CSMD1: variants seen among roughly 807,000 people sequenced by gnomAD.
CSMD1 encodes the protein CUB and Sushi multiple domains 1, also known as CUB and sushi domain-containing protein 1.
In CSMD1, 213 loss-of-function variants were observed where a neutral mutation model predicts 417.5. The ratio of observed to expected loss-of-function variants is 0.51; its 90% CI spans 0.46 to 0.57. CSMD1 has a LOEUF of 0.57. CSMD1 is among the 20% of genes least tolerant of loss of function. CSMD1 has a pLI of 0.00. For synonymous variants in CSMD1, 2,862 were observed against 1,736.8 expected, an observed-to-expected ratio of 1.65 and a Z score of -16.11; for missense variants, 6,923 against 4,529.7, an observed-to-expected ratio of 1.53 and a Z score of -15.17.
chr8:4,456,737 C>T (rs533500621), intron 2 of CSMD1, among the ~76,000 whole-genome samples: 4 of 152,116 alleles, frequency 2.6e-5, no homozygotes, highest in Non-Finnish European at 5.9e-5. Context: ...TCAGTCCTTA[C>T]TGTCTAGTTG....
chr8:4,440,655 T>G (rs1217645), intron 2 of CSMD1, among the ~76,000 whole-genome samples: 1,615 of 152,326 alleles, frequency 0.011, 21 homozygotes, highest in African/African-American at 0.036. Context: ...ATTGCATACA[T>G]TTGTGCTGCT....
chr8:4,390,439 T>C (rs1803765633), intron 3 of CSMD1, among the ~76,000 whole-genome samples: 1 of 152,026 alleles, frequency 6.6e-6, no homozygotes, highest in Non-Finnish European at 1.5e-5. Flanking sequence ...AAATGACATA[T>C]TGGATGTGTT....
chr8:4,455,232 A>G (rs944439592), intron 2 of CSMD1, among the ~76,000 whole-genome samples: 4 of 152,166 alleles, frequency 2.6e-5, no homozygotes, highest in Non-Finnish European at 5.9e-5. Context: ...CTTCTCTAAA[A>G]TATTTGTTGG....
chr8:3,341,061 A>G (rs1807609598), intron 23 of CSMD1, among the ~76,000 whole-genome samples: 1 of 152,210 alleles, frequency 6.6e-6, no homozygotes, highest in African/African-American at 2.4e-5. Flanking sequence ...TTACAAAGTT[A>G]CTCAGTGAAG....
chr8:3,673,981 G>C (rs1430732538), intron 7 of CSMD1, among the ~76,000 whole-genome samples: 1 of 152,134 alleles, frequency 6.6e-6, no homozygotes, highest in African/African-American at 2.4e-5. Flanking sequence ...AGCCAGGCAT[G>C]GTGGCACATG....
At chr8:3,987,492 C>T (rs1040427328) in intron 5 of CSMD1, among the ~76,000 whole-genome samples, 4 of 152,276 alleles carry the variant, frequency 2.6e-5, no homozygotes, top group Admixed American at 2.0e-4. Flanking sequence ...TATCTTTAAT[C>T]TCCTTTTTAA....
chr8:4,613,846 A>C (rs1406465327), intron 2 of CSMD1, among the ~76,000 whole-genome samples: 2 of 141,484 alleles, frequency 1.4e-5, no homozygotes, highest in Non-Finnish European at 3.0e-5. Flanking sequence ...TGAAAGCAGA[A>C]GGCTGTCTAA....
At chr8:3,133,509 C>A (rs1383818906) in intron 41 of CSMD1, among the ~76,000 whole-genome samples, 1 of 152,194 alleles carries the variant, frequency 6.6e-6, no homozygotes, top group Non-Finnish European at 1.5e-5. Context: ...GTTACTGTTA[C>A]ACTGGAAGGC....
intron 3 of CSMD1, among the ~76,000 whole-genome samples, chr8:4,177,870 A>C (rs1023226699): frequency 2.0e-5 from 3 of 151,856 alleles, no homozygotes; most frequent in African/African-American, 7.3e-5. Context: ...CTCTCCCAAG[A>C]CTAAACCAGG....
intron 21 of CSMD1, among the ~76,000 whole-genome samples, chr8:3,349,305 C>T (rs942767472): frequency 5.3e-5 from 8 of 152,266 alleles, no homozygotes; most frequent in Middle Eastern, 3.4e-3. Flanking sequence ...TCTTTGACAA[C>T]GAACACAATC....
chr8:3,439,150 AAACC>A (rs1814778900), intron 12 of CSMD1, among the ~76,000 whole-genome samples: 38 of 115,872 alleles, frequency 3.3e-4, no homozygotes, highest in African/African-American at 1.5e-3. Flanking sequence ...AAAAAAAAAA[AAACC>A]AAGAAAAAAA....
At chr8:3,719,308 A>G (rs181552036) in intron 6 of CSMD1, among the ~76,000 whole-genome samples, 13 of 152,274 alleles carry the variant, frequency 8.5e-5, no homozygotes, top group Non-Finnish European at 2.9e-5. Context: ...AGGCCCAGAT[A>G]GCTGAGCTCC....
At chr8:4,016,006 A>G (rs1459341058) in intron 4 of CSMD1, among the ~76,000 whole-genome samples, 1 of 152,214 alleles carries the variant, frequency 6.6e-6, no homozygotes, top group Non-Finnish European at 1.5e-5. Flanking sequence ...TGGCCTTATC[A>G]GCCACTGTCT....
At chr8:3,416,671 C>G (rs1349404351) in intron 12 of CSMD1, among the ~76,000 whole-genome samples, 1 of 152,138 alleles carries the variant, frequency 6.6e-6, no homozygotes, top group East Asian at 1.9e-4. Flanking sequence ...TCTGCTGTGG[C>G]CACATCCCCT....
intron 5 of CSMD1, among the ~76,000 whole-genome samples, chr8:3,973,190 A>G (rs892328565): frequency 6.6e-6 from 1 of 152,194 alleles, no homozygotes; most frequent in African/African-American, 2.4e-5. Flanking sequence ...TGTTACCTTA[A>G]ATGGTGGTGC....
At chr8:3,270,046 CTTTTTTTTTT>C (rs200994813) in intron 26 of CSMD1, among the ~76,000 whole-genome samples, 1 of 118,384 alleles carries the variant, frequency 8.4e-6, no homozygotes, top group African/African-American at 3.1e-5. Flanking sequence ...CTAACCTCTT[CTTTTTTTTTT>C]TTTTTTTTTT....
intron 12 of CSMD1, among the ~76,000 whole-genome samples, chr8:3,414,506 T>G (rs942096116): frequency 6.6e-6 from 1 of 152,278 alleles, no homozygotes; most frequent in South Asian, 2.1e-4. Flanking sequence ...ATTGACGCTC[T>G]TGGGGTCCTC....
intron 1 of CSMD1, among the ~76,000 whole-genome samples, chr8:4,682,955 CATATATATATATATATATATATAT>C (rs10566841): frequency 8.4e-6 from 1 of 118,490 alleles, no homozygotes; most frequent in African/African-American, 3.1e-5. Context: ...TAAGTATCTT[CATATATATATATATATATATATAT>C]ATATATATAT....
intron 4 of CSMD1, among the ~76,000 whole-genome samples, chr8:4,010,047 A>C (rs1262415667): frequency 6.6e-6 from 1 of 152,192 alleles, no homozygotes; most frequent in Non-Finnish European, 1.5e-5. Flanking sequence ...TCGAAAACTG[A>C]AAGTCAATTA....
Sources: allele counts gnomAD v4.1 joint callset (sites outside exome capture counted in the v4.1 genomes callset), GRCh38; gene constraint gnomAD v4.1.1; transcripts MANE v1.5; gene names NCBI Gene and HGNC (gene_info 2026-07-23, HGNC 2026-07-21).